KIF19: variants seen among roughly 807,000 people sequenced by gnomAD.
KIF19 encodes the protein kinesin family member 19, also known as kinesin-like protein KIF19.
KIF19 carries 98 observed loss-of-function variants against 106.6 expected under a neutral mutation model. That is an observed-to-expected ratio of 0.92 (90% CI 0.78 to 1.09). The LOEUF (loss-of-function observed/expected upper bound fraction) is 1.09, where lower values mean the gene tolerates loss of function less well. Ranked by LOEUF, KIF19 falls within the 50% of genes least tolerant of loss-of-function variation. The pLI is 0.00. For synonymous variants in KIF19, 516 were observed against 584.2 expected (o/e 0.88, Z 1.68); for missense variants, 1,373 against 1,414.3 (o/e 0.97, Z 0.47).
intron 2 of KIF19, among the ~76,000 whole-genome samples, chr17:74,334,407 G>C (rs1199083839): frequency 6.6e-6 from 1 of 152,108 alleles, no homozygotes; most frequent in Non-Finnish European, 1.5e-5. Context: ...GGGTGACTCA[G>C]GTGAAGGTAT....
In KIF19 at chr17:74,355,216, C is replaced by T; in HGVS notation, c.2901C>T (p.Pro967=). Residue 967 remains proline, a synonymous_variant, in exon 20 of 20, where the codon CCC becomes CCT. Coordinates refer to ENST00000389916, the MANE Select transcript of KIF19 (RefSeq NM_153209.4). ...PGDSSPLAVP[P]NPGGGSRRAT... ...ACTCCTCACCCCTGGCTGTTCCCCC[C>T]AACCCAGGTGGTGGTTCTCGACGGG... The T allele has an allele frequency of 1.2e-6, 2 of 1,612,172 alleles. No individual in the cohort carries two copies. Among genetic ancestry groups the T allele is most frequent in the Admixed American group, 1.7e-5 (1 of 59,884 alleles).
chr17:74,351,030 T>C, intron 12 of KIF19, 125 bp downstream of exon 12: 1 of 917,260 alleles, frequency 1.1e-6, no homozygotes, highest in Non-Finnish European at 1.7e-6. Context: ...CCACAAATCC[T>C]GTGTGACTTT....
At position 74,341,963 on chromosome 17, in the gene KIF19, G is replaced by T; in HGVS notation, c.208G>T (p.Ala70Ser). 6.2e-7 allele frequency: 1 copy of T among 1,613,332 alleles called. No homozygotes were observed. Among genetic ancestry groups the T allele is most frequent in the African/African-American group, 1.3e-5 (1 of 75,010 alleles). Residue 70 changes from alanine (A) to serine (S), a missense_variant, in exon 3 of 20, where the codon GCC (alanine) becomes TCC (serine). By Grantham distance (99) the Ala-to-Ser change is moderately conservative. Transcript: ENST00000389916. Reference protein sequence around the residue: ...SREKSYLFDVAFDFTATQEMV... With the variant: ...SREKSYLFDVSFDFTATQEMV... Reference sequence around the variant, plus strand: ...GGAGAAGTCCTACCTGTTCGACGTGGCCTTTGACTTCACCGCCACCCAGGT... The same window carrying T: ...GGAGAAGTCCTACCTGTTCGACGTGTCCTTTGACTTCACCGCCACCCAGGT...
intron 3 of KIF19, 47 bp downstream of exon 3, chr17:74,342,033 C>A (rs745538884): frequency 2.1e-6 from 3 of 1,435,560 alleles, no homozygotes; most frequent in Non-Finnish European, 2.9e-6. Context: ...CCTCCCCCAC[C>A]CTTAGCCCCA....
At chr17:74,351,768 A>G in intron 12 of KIF19, 99 bp from the exon 13 acceptor site, 2 of 1,284,388 alleles carry the variant, frequency 1.6e-6, no homozygotes, top group Non-Finnish European at 2.0e-6. Context: ...AGCTCCAGAC[A>G]GATGCCTGGA....
Position 74,342,298 on chromosome 17 carries a change from G to A in KIF19, c.231+312G>A, listed in dbSNP as rs531274780. Among the ~76,000 whole-genome samples the A allele has an allele frequency of 1.9e-4, 29 of 152,324 alleles. 1 individual carries two copies. In the Middle Eastern group the frequency reaches 0.014, roughly 71 times the overall value. ...GTGGGGAGGACAGGGGCAGAGGGTG[G>A]GTTCAGCGAAGCTGACACCCTCCTC... On this transcript the variant is annotated intron_variant, in intron 3 of 19. Transcript: ENST00000389916.
intron 12 of KIF19, chr17:74,351,460 A>C (rs2054700352): frequency 5.9e-6 from 1 of 169,584 alleles, no homozygotes. Context: ...ACCGCACTCC[A>C]GCCTGGGTGA....
At chr17:74,354,995 G>T in intron 19 of KIF19, 54 bp downstream of exon 19, 1 of 1,561,828 alleles carries the variant, frequency 6.4e-7, no homozygotes, top group Non-Finnish European at 8.7e-7. Context: ...AGGCAGGGGA[G>T]CAGAGAAGAC....
rs1489145368 is a variant in KIF19, at chr17:74,342,634, T to G, written c.236T>G (p.Met79Arg). 3 of 1,612,846 alleles carry G rather than the reference T, an allele frequency of 1.9e-6. No individual in the cohort carries two copies. The highest frequency in any genetic ancestry group is 1.1e-5 in the South Asian group (1 of 91,052). Residue 79 changes from methionine to arginine, a missense_variant, in exon 4 of 20, where the codon ATG becomes AGG. Around this residue, in one of 3 missense-constraint regions of KIF19, gnomAD observed 348 missense variants for 389.5 expected, o/e 0.89. Coordinates refer to ENST00000389916, the MANE Select transcript of KIF19 (RefSeq NM_153209.4). ...GACAGGCTTCCTTCCTCGCAGGAGA[T>G]GGTGTATCAGGCCACCACCAAGAGC... ...VAFDFTATQE[M>R]VYQATTKSLI...
rs1426634453 is a variant in KIF19, at chr17:74,350,762, G to T, written c.1444G>T (p.Glu482Ter). Residue 482 changes from glutamate (E) to a stop codon, truncating the protein, a stop_gained, in exon 12 of 20, where the codon GAG (glutamate) becomes TAG (stop). Coordinates refer to ENST00000389916, the MANE Select transcript of KIF19 (RefSeq NM_153209.4). LOFTEE classifies it high-confidence loss of function. ...CAAATGGCGGGAGGAGCAGCGAAAG[G>T]AGTGCTACGCTAAGGACGACAGCGA... Reference protein sequence around the residue: ...ALKWREEQRKECYAKDDSEKD... With the variant: ...ALKWREEQRK 1.9e-5 allele frequency: 31 copies of T among 1,614,024 alleles called. No homozygotes were observed. Among genetic ancestry groups the T allele is most frequent in the Non-Finnish European group, 2.6e-5 (31 of 1,179,912 alleles).
chr17:74,346,349 C>T lies in KIF19; in HGVS notation c.778-29C>T, dbSNP rs752321984. The T allele has an allele frequency of 6.3e-5, 99 of 1,559,138 alleles. No homozygotes were observed. Among genetic ancestry groups the T allele is most frequent in the Non-Finnish European group, 8.4e-5 (97 of 1,151,262 alleles). The stretch of plus-strand genomic sequence containing the variant: ...AACCCAGTCCCCTGCCTCATCAGGC[C>T]ACACGTGTGCCCTTTGCTCGCCCCC... On this transcript the variant is annotated intron_variant, in intron 7 of 19. Transcript: ENST00000389916. The surrounding 1 kb of genome is among the most constrained non-coding windows in gnomAD (Gnocchi z 4.6).
At position 74,352,314 on chromosome 17, in the gene KIF19, G is replaced by A. The variant is rs534622184; in HGVS notation, c.1954G>A (p.Asp652Asn). 2 of 1,610,978 alleles carry A rather than the reference G, an allele frequency of 1.2e-6. No individual in the cohort carries two copies. Among genetic ancestry groups the A allele is most frequent in the South Asian group, 2.2e-5 (2 of 90,666 alleles). ...EGSLEQATIM[D>N]QVASRALQDS... ...CAGCCTGGAGCAGGCCACCATCATG[G>A]ACCAAGTGGCCTCCAGGGCCCTGCA... The change falls in exon 14 of 20, where the codon GAC (aspartate) becomes AAC (asparagine). Residue 652 changes from aspartate (D) to asparagine (N), a missense_variant. By Grantham distance (23) the Asp-to-Asn change is conservative. This residue lies in a region of KIF19 where 1,020 missense variants were observed against 1,008.2 expected (regional missense o/e 1.01). Coordinates refer to ENST00000389916, the MANE Select transcript of KIF19 (RefSeq NM_153209.4).
In KIF19 at chr17:74,344,758, C is replaced by T. The variant is rs746354359; in HGVS notation, c.583-3C>T. On this transcript the variant is annotated splice_region_variant and splice_polypyrimidine_tract_variant and intron_variant, in intron 6 of 19. Coordinates refer to ENST00000389916, the MANE Select transcript of KIF19 (RefSeq NM_153209.4). ...AGAGCTGCCTCTCCTCCCTCCCACC[C>T]AGATCATGCAGCTGCTGATGAAGGG... 6 of 1,604,806 alleles carry T rather than the reference C, an allele frequency of 3.7e-6. No homozygotes were observed. The highest frequency in any genetic ancestry group is 4.3e-6 in the Non-Finnish European group (5 of 1,173,530).
At chr17:74,332,212 G>GTGTT (rs1555619591) in intron 2 of KIF19, among the ~76,000 whole-genome samples, 62 of 38,042 alleles carry the variant, frequency 1.6e-3, no homozygotes, top group African/African-American at 3.6e-3. Flanking sequence ...GTGTGTGTTT[G>GTGTT]TGTGTGTGTG....
At chr17:74,341,323 A>C (rs1361522535) in intron 2 of KIF19, among the ~76,000 whole-genome samples, 1 of 152,176 alleles carries the variant, frequency 6.6e-6, no homozygotes, top group African/African-American at 2.4e-5. Flanking sequence ...TCTCAAAAAT[A>C]AATAAATAAA....
At chr17:74,347,620 C>T (rs2054573382) in intron 8 of KIF19, among the ~76,000 whole-genome samples, 157 bp from the exon 9 acceptor site, 1 of 152,068 alleles carries the variant, frequency 6.6e-6, no homozygotes, top group South Asian at 2.1e-4. Flanking sequence ...GGGCTTTCTT[C>T]CTCCCAAGCC....
At chr17:74,329,598 T>C (rs556121189) in intron 2 of KIF19, 74 of 52,934 alleles carry the variant, frequency 1.4e-3, no homozygotes, top group African/African-American at 4.1e-3. Context: ...TGAGAGGGAC[T>C]GGGATGCAAC....
intron 2 of KIF19, among the ~76,000 whole-genome samples, chr17:74,333,325 T>G (rs987942204): frequency 6.6e-6 from 1 of 151,896 alleles, no homozygotes; most frequent in African/African-American, 2.4e-5. Flanking sequence ...CTTCTGGACA[T>G]TGAATGTGAA....
intron 10 of KIF19, among the ~76,000 whole-genome samples, chr17:74,349,838 G>T (rs1295091465): frequency 6.7e-6 from 1 of 149,456 alleles, no homozygotes; most frequent in Non-Finnish European, 1.5e-5. Context: ...TTGCTCTGTT[G>T]CCCAGGCTGG....
Sources: gnomAD v4.1 joint callset for allele counts (sites outside exome capture counted in the v4.1 genomes callset) on GRCh38, gnomAD v4.1.1 for gene constraint, gnomAD v4.1.1 regional missense constraint, Gnocchi (gnomAD v3.1) non-coding constraint, MANE v1.5 for transcripts, NCBI Gene and HGNC (gene_info 2026-07-23, HGNC 2026-07-21) for gene names.